The following GALNT13 variants were observed in gnomAD, a reference collection of about 807,000 sequenced individuals.
The protein encoded by GALNT13 is polypeptide N-acetylgalactosaminyltransferase 13.
GALNT13 carries 28 observed loss-of-function variants against 64.2 expected under a neutral mutation model. That is an observed-to-expected ratio of 0.44 (90% CI 0.32 to 0.60). The LOEUF (loss-of-function observed/expected upper bound fraction) is 0.60, where lower values mean the gene tolerates loss of function less well. GALNT13 is among the 20% of genes least tolerant of loss of function. The pLI, the probability that GALNT13 is intolerant of heterozygous loss-of-function variation, is 0.05. For missense variants in GALNT13, 577 were observed against 669.8 expected (o/e 0.86, Z 1.53); for synonymous variants, 214 against 224.6 (o/e 0.95, Z 0.42).
chr2:153,558,188 A>G, the GALNT13 span, among the ~76,000 whole-genome samples: 3 of 152,220 alleles, frequency 2.0e-5, no homozygotes. Context: ...CAGATGTTTA[A>G]ATACATTAGA....
chr2:153,434,541 A>G, the GALNT13 span, among the ~76,000 whole-genome samples: 14 of 152,194 alleles, frequency 9.2e-5, no homozygotes, highest in Non-Finnish European at 1.9e-4. Flanking sequence ...GTGAGATGGT[A>G]TCTCATTGTG....
chr2:153,335,916 C>G, the GALNT13 span, among the ~76,000 whole-genome samples: 1 of 152,262 alleles, frequency 6.6e-6, no homozygotes. Context: ...AGCCTAGGGA[C>G]TTGGTACCCT....
At chr2:153,803,494 C>T in the GALNT13 span, among the ~76,000 whole-genome samples, 7 of 152,046 alleles carry the variant, frequency 4.6e-5, no homozygotes, top group South Asian at 8.3e-4. Flanking sequence ...AGATCGAGAC[C>T]ATCCTGGCTA....
At chr2:154,339,434 T>G (rs1197415747) in intron 9 of GALNT13, among the ~76,000 whole-genome samples, 2 of 152,122 alleles carry the variant, frequency 1.3e-5, no homozygotes, top group Non-Finnish European at 2.9e-5. Flanking sequence ...GAATTAACCC[T>G]GTGATGTGCT....
Position 154,093,242 on chromosome 2 carries a change from TTTTAC to T in GALNT13, c.143-47091_143-47087del, listed in dbSNP as rs543020643. Reference sequence around the variant, plus strand: ...AATTATTTGATTATAGGGGATTCTCTTTTACTTTCTTCTTCTATGATTACTTTTTG... The same window carrying T: ...AATTATTTGATTATAGGGGATTCTCTTTTCTTCTTCTATGATTACTTTTTG... On this transcript the variant is annotated intron_variant, in intron 3 of 12. Transcript: ENST00000392825. Among the ~76,000 whole-genome samples, 25 of 152,152 alleles carry T rather than the reference TTTTAC, an allele frequency of 1.6e-4. No individual in the cohort carries two copies. In the South Asian group the frequency reaches 2.7e-3, roughly 16 times the overall value.
At chr2:153,956,028 T>C (rs1336255983) in intron 3 of GALNT13, among the ~76,000 whole-genome samples, 5 of 152,080 alleles carry the variant, frequency 3.3e-5, no homozygotes, top group Admixed American at 1.3e-4. Context: ...CCAAAATCCA[T>C]AGGCCAAAGG....
chr2:153,983,329 AT>A (rs200261415), intron 3 of GALNT13, among the ~76,000 whole-genome samples: 2 of 151,798 alleles, frequency 1.3e-5, no homozygotes, highest in African/African-American at 4.8e-5. Context: ...AATTCATTCA[AT>A]TTTTTTATTT....
At chr2:153,106,935 T>TA in the GALNT13 span, among the ~76,000 whole-genome samples, 1 of 152,152 alleles carries the variant, frequency 6.6e-6, no homozygotes, top group Non-Finnish European at 1.5e-5. Context: ...ATTGAATACT[T>TA]AGAGGAGTAA....
At chr2:153,523,485 C>T in the GALNT13 span, among the ~76,000 whole-genome samples, 1 of 152,118 alleles carries the variant, frequency 6.6e-6, no homozygotes, top group Non-Finnish European at 1.5e-5. Flanking sequence ...TAGTTCTTTG[C>T]TTTCTTTCAT....
chr2:153,569,652 C>T, the GALNT13 span, among the ~76,000 whole-genome samples: 721 of 152,036 alleles, frequency 4.7e-3, 2 homozygotes, highest in Non-Finnish European at 6.4e-3. Context: ...ATAGGACATC[C>T]GTCCCTTCAA....
the GALNT13 span, among the ~76,000 whole-genome samples, chr2:153,385,776 C>T: frequency 1.3e-5 from 2 of 151,674 alleles, no homozygotes; most frequent in Admixed American, 6.6e-5. Context: ...CTCCATGATG[C>T]GATTATTACA....
chr2:153,220,968 A>G, the GALNT13 span, among the ~76,000 whole-genome samples: 36 of 152,166 alleles, frequency 2.4e-4, no homozygotes, highest in Non-Finnish European at 4.6e-4. Context: ...GAAACATCAC[A>G]AACTGGAGCC....
At chr2:154,214,832 C>T (rs1471669203) in intron 4 of GALNT13, among the ~76,000 whole-genome samples, 3 of 152,136 alleles carry the variant, frequency 2.0e-5, no homozygotes, top group Admixed American at 6.6e-5. Context: ...CAGACTAATA[C>T]ACCTATTATC....
chr2:153,222,332 T>TGGGGGGGGGGG, the GALNT13 span, among the ~76,000 whole-genome samples: 3 of 103,790 alleles, frequency 2.9e-5, no homozygotes, highest in Non-Finnish European at 3.9e-5. Flanking sequence ...GGGGGTGGGG[T>TGGGGGGGGGGG]GGGGGGGGGG....
chr2:153,284,069 C>T, the GALNT13 span, among the ~76,000 whole-genome samples: 1 of 152,174 alleles, frequency 6.6e-6, no homozygotes, highest in African/African-American at 2.4e-5. Flanking sequence ...GATCTATGCC[C>T]AGGGATGTTA....
chr2:154,432,716 G>A (rs141978074), intron 11 of GALNT13, among the ~76,000 whole-genome samples: 1 of 152,138 alleles, frequency 6.6e-6, no homozygotes, highest in East Asian at 1.9e-4. Context: ...TCATCACATG[G>A]CTGTCTTTTC....
the GALNT13 span, among the ~76,000 whole-genome samples, chr2:153,304,742 G>A: frequency 2.4e-4 from 37 of 152,230 alleles, no homozygotes; most frequent in Admixed American, 3.9e-4. Flanking sequence ...AATAAAATGG[G>A]CATGGGCACA....
chr2:153,235,238 T>C, the GALNT13 span, among the ~76,000 whole-genome samples: 1 of 152,170 alleles, frequency 6.6e-6, no homozygotes, highest in African/African-American at 2.4e-5. Flanking sequence ...CCTCTAAGTA[T>C]ACTCAGTGGC....
the GALNT13 span, among the ~76,000 whole-genome samples, chr2:153,270,842 C>A: frequency 1.5e-4 from 23 of 152,084 alleles, no homozygotes; most frequent in African/African-American, 5.3e-4. Context: ...CAGGGTGAGA[C>A]CCTGTCTCAA....
Sources: allele counts gnomAD v4.1 joint callset (sites outside exome capture counted in the v4.1 genomes callset), GRCh38; gene constraint gnomAD v4.1.1; transcripts MANE v1.5; gene names NCBI Gene and HGNC (gene_info 2026-07-23, HGNC 2026-07-21).